Variants in PCTP observed in about 807,000 individuals in gnomAD.
PCTP encodes the protein START domain-containing protein 2.
A neutral mutation model predicts 31.0 loss-of-function variants in PCTP; 27 were observed. That is an observed-to-expected ratio of 0.87 (90% CI 0.64 to 1.20). PCTP has a LOEUF of 1.20. Among genes scored for constraint, PCTP ranks in the 50% most tolerant of loss-of-function variants. PCTP has a pLI of 0.00. For synonymous variants in PCTP, 108 were observed against 101.2 expected (o/e 1.07, Z -0.40); for missense variants, 287 against 268.2 (o/e 1.07, Z -0.49).
chr17:55,821,088 G>A (rs1447837177), intron 3 of PCTP, among the ~76,000 whole-genome samples: 2 of 152,178 alleles, frequency 1.3e-5, no homozygotes, highest in African/African-American at 2.4e-5. Flanking sequence ...ACACAAACTT[G>A]TACGTAAATG....
downstream of PCTP, among the ~76,000 whole-genome samples, chr17:55,824,028 G>A (rs1905314891): frequency 6.6e-6 from 1 of 152,288 alleles, no homozygotes; most frequent in South Asian, 2.1e-4. Context: ...CAGATCTACT[G>A]GTGGTATTCA....
At chr17:55,827,470 A>G (rs182101990), downstream of PCTP, among the ~76,000 whole-genome samples, 3 of 152,354 alleles carry the variant, frequency 2.0e-5, no homozygotes, top group East Asian at 5.8e-4. Flanking sequence ...AGCTGATGGC[A>G]TGGTGTGTTT....
chr17:55,802,771 G>A (rs1208586685), intron 3 of PCTP, among the ~76,000 whole-genome samples: 1 of 152,076 alleles, frequency 6.6e-6, no homozygotes, highest in Non-Finnish European at 1.5e-5. Context: ...TACTGAATGG[G>A]CAAAAACTGG....
chr17:55,804,157 A>G (rs79531626), intron 3 of PCTP, among the ~76,000 whole-genome samples: 1 of 152,178 alleles, frequency 6.6e-6, no homozygotes, highest in Non-Finnish European at 1.5e-5. Flanking sequence ...AGAAACCACA[A>G]TTATCAAAAC....
chr17:55,765,777 C>T (rs920659552), intron 1 of PCTP, among the ~76,000 whole-genome samples: 6 of 152,162 alleles, frequency 3.9e-5, no homozygotes, highest in African/African-American at 1.4e-4. Flanking sequence ...TACCTCTTAC[C>T]CTGGTTTACA....
chr17:55,818,162 G>C (rs895157245), intron 3 of PCTP, among the ~76,000 whole-genome samples: 1 of 152,220 alleles, frequency 6.6e-6, no homozygotes, highest in African/African-American at 2.4e-5. Flanking sequence ...AGTTGCATGG[G>C]GGAGGCAGTT....
At chr17:55,832,803 A>G (rs1240025303) in intron 5 of PCTP, among the ~76,000 whole-genome samples, 1 of 152,220 alleles carries the variant, frequency 6.6e-6, no homozygotes, top group East Asian at 1.9e-4. Context: ...GTGTTCTGCT[A>G]GGCCCTGGAC....
the PCTP span, among the ~76,000 whole-genome samples, chr17:55,848,750 C>A: frequency 6.6e-6 from 1 of 152,180 alleles, no homozygotes; most frequent in Non-Finnish European, 1.5e-5. Context: ...TAATGAAAGG[C>A]AAACCCAGAA....
In PCTP at chr17:55,811,529, C is replaced by T. The variant is rs920666766; in HGVS notation, c.318-11232C>T. ...TTCTCATTGGCACCTTCACTTTGCT[C>T]GGCTGCCAAAAAAGTAGATATTGAC... On this transcript the variant is annotated intron_variant, in intron 3 of 3. Transcript: ENST00000572536. 5.3e-5 allele frequency among the ~76,000 whole-genome samples: 8 copies of T among 152,166 alleles called. 1 individual carries two copies. The South Asian group carries it at 6.2e-4, about 12-fold the overall frequency.
intron 2 of PCTP, chr17:55,768,921 G>T (rs1910834130): frequency 6.6e-6 from 1 of 152,186 alleles, no homozygotes; most frequent in African/African-American, 2.4e-5. Context: ...ACTCTTGGTT[G>T]CAAGTAACAG....
intron 5 of PCTP, chr17:55,775,276 T>C: frequency 8.1e-7 from 1 of 1,235,490 alleles, no homozygotes; most frequent in Non-Finnish European, 1.0e-6. Context: ...CTTTTGTTGT[T>C]GTTGCCCTTT....
At chr17:55,808,738 C>A (rs1031744190) in intron 3 of PCTP, among the ~76,000 whole-genome samples, 2 of 152,078 alleles carry the variant, frequency 1.3e-5, no homozygotes, top group Non-Finnish European at 2.9e-5. Context: ...GGCAGTAATA[C>A]GTCTTAAAGA....
At chr17:55,753,482 G>A (rs946149318) in intron 1 of PCTP, among the ~76,000 whole-genome samples, 3 of 152,180 alleles carry the variant, frequency 2.0e-5, no homozygotes, top group African/African-American at 7.2e-5. Flanking sequence ...AAGGTACTAT[G>A]ATGATCACCT....
chr17:55,751,436 C>A, intron 1 of PCTP, 192 bp downstream of exon 1: 1 of 1,533,702 alleles, frequency 6.5e-7, no homozygotes, highest in Non-Finnish European at 8.7e-7. Flanking sequence ...GACTGCCGTG[C>A]AGATCCAGGG....
Position 55,776,839 on chromosome 17 carries a change from G to A in PCTP, c.*739G>A, listed in dbSNP as rs952565497. The A allele has an allele frequency of 9.9e-7, 1 of 1,009,676 alleles. No homozygotes were observed. Among genetic ancestry groups the A allele is most frequent in the Non-Finnish European group, 1.2e-6 (1 of 846,592 alleles). The allele number at this position is 1,009,676 out of a possible 1,614,324, so 62.5% of individuals were successfully genotyped here. A position where few individuals can be genotyped will look rare whatever the true frequency, so the allele number is the denominator to read the frequency against. ...AATGGATGATTTCTCTTTTCCATAT[G>A]TCACTGGGGGAAAGGCTGCCTGTAC... On this transcript the variant is annotated 3_prime_UTR_variant, in exon 6 of 6. Transcript: ENST00000268896.
At chr17:55,832,116 AG>A (rs1012249394) in intron 5 of PCTP, among the ~76,000 whole-genome samples, 1 of 152,180 alleles carries the variant, frequency 6.6e-6, no homozygotes, top group African/African-American at 2.4e-5. Flanking sequence ...AAACAAAAAC[AG>A]AAACACCCAA....
At chr17:55,815,559 C>T (rs1912889768) in intron 3 of PCTP, among the ~76,000 whole-genome samples, 1 of 152,060 alleles carries the variant, frequency 6.6e-6, no homozygotes, top group South Asian at 2.1e-4. Context: ...ATACCTTTGT[C>T]CCTGGAATGT....
chr17:55,771,468 C>T (rs914997907), intron 3 of PCTP, among the ~76,000 whole-genome samples: 3 of 152,102 alleles, frequency 2.0e-5, no homozygotes, highest in African/African-American at 7.2e-5. Context: ...AATTGTCAGG[C>T]CACAGAATTG....
chr17:55,774,791 G>A lies in PCTP; in HGVS notation c.512-1G>A, dbSNP rs780990430. The A allele has an allele frequency of 6.3e-7, 1 of 1,593,604 alleles. No individual in the cohort carries two copies. The highest frequency in any genetic ancestry group is 8.6e-7 in the Non-Finnish European group (1 of 1,167,534). ...GAATTGTCCTTTCTTTCCCTCTCTA[G>A]TTTTCATGTATTACTTCGATAACCC... is the stretch of plus-strand genomic sequence containing the variant. On this transcript the variant is annotated splice_acceptor_variant, in intron 4 of 5. Coordinates refer to ENST00000268896, the MANE Select transcript of PCTP (RefSeq NM_021213.4). LOFTEE classifies it high-confidence loss of function.
Sources: gnomAD v4.1 joint callset for allele counts (sites outside exome capture counted in the v4.1 genomes callset) on GRCh38, gnomAD v4.1.1 for gene constraint, MANE v1.5 for transcripts, NCBI Gene and HGNC (gene_info 2026-07-23, HGNC 2026-07-21) for gene names.